Variants in GFRA1 observed in about 807,000 individuals in gnomAD.
GFRA1 encodes the protein GDNF family receptor alpha 1.
GFRA1 carries 16 observed loss-of-function variants against 51.6 expected under a neutral mutation model. The observed-to-expected ratio is 0.31, with a 90% confidence interval of 0.21 to 0.47. The LOEUF (loss-of-function observed/expected upper bound fraction) is 0.47, where lower values mean the gene tolerates loss of function less well. Among genes scored for constraint, GFRA1 ranks in the 20% least tolerant of loss-of-function variants. GFRA1 has a pLI of 1.00. For missense variants in GFRA1, 530 were observed against 594.3 expected (o/e 0.89, Z 1.13); for synonymous variants, 270 against 241.3 (o/e 1.12, Z -1.10).
At chr10:116,169,564 C>T (rs1047006148) in intron 5 of GFRA1, among the ~76,000 whole-genome samples, 6 of 152,200 alleles carry the variant, frequency 3.9e-5, no homozygotes, top group African/African-American at 9.7e-5. Flanking sequence ...AGTGTCCAAA[C>T]ATCAAGAGGA....
At position 116,241,436 on chromosome 10, in the gene GFRA1, G is replaced by T. The variant is rs145541812; in HGVS notation, c.418+28067C>A. On this transcript the variant is annotated intron_variant, in intron 4 of 10. Transcript: ENST00000355422. ...CGTTCATCCTGACATAAAAATGCGT[G>T]GTCTCAGAAGCCTCTGAGCTGACTG... 2.7e-3 allele frequency among the ~76,000 whole-genome samples: 418 copies of T among 152,276 alleles called. 8 individuals carry two copies. Among genetic ancestry groups the T allele is most frequent in the Non-Finnish European group, 5.3e-4 (36 of 68,024 alleles).
At chr10:116,102,691 G>A (rs2133935392) in intron 6 of GFRA1, among the ~76,000 whole-genome samples, 1 of 152,258 alleles carries the variant, frequency 6.6e-6, no homozygotes, top group East Asian at 1.9e-4. Context: ...GATCTCATGA[G>A]ACTTATTCAC....
At chr10:116,215,242 C>T (rs977421021) in intron 4 of GFRA1, among the ~76,000 whole-genome samples, 16 of 152,162 alleles carry the variant, frequency 1.1e-4, no homozygotes, top group African/African-American at 3.6e-4. Flanking sequence ...GACAGACAAA[C>T]GGGAAATAAA....
intron 5 of GFRA1, among the ~76,000 whole-genome samples, chr10:116,126,339 T>C (rs1361513034): frequency 6.6e-6 from 1 of 152,228 alleles, no homozygotes; most frequent in African/African-American, 2.4e-5. Context: ...TGTGCACTCA[T>C]ACCACCAGGG....
chr10:116,125,168 G>T (rs778895222), intron 6 of GFRA1, 53 bp downstream of exon 6: 142 of 1,491,442 alleles, frequency 9.5e-5, no homozygotes, highest in Non-Finnish European at 1.3e-4. Flanking sequence ...CGAAGCAGCC[G>T]CCAAGACTTT....
intron 5 of GFRA1, among the ~76,000 whole-genome samples, chr10:116,156,147 C>T (rs765134092): frequency 1.1e-4 from 16 of 152,310 alleles, no homozygotes; most frequent in Non-Finnish European, 2.1e-4. Context: ...AGAGCCATCA[C>T]TTTCTGAACT....
In GFRA1 at chr10:116,235,787, C is replaced by T. The variant is rs183752610; in HGVS notation, c.419-24142G>A. Among the ~76,000 whole-genome samples the T allele has an allele frequency of 8.1e-4, 123 of 152,208 alleles. 1 individual carries two copies. Among genetic ancestry groups the T allele is most frequent in the Non-Finnish European group, 1.4e-3 (96 of 68,014 alleles). On this transcript the variant is annotated intron_variant, in intron 4 of 10. Coordinates refer to ENST00000355422, the MANE Select transcript of GFRA1 (RefSeq NM_005264.8). ...GCCGTCAAGATTGGATAAGAGAGAG[C>T]TTGACTTATCTCTCATTTTCTGAGT... is the stretch of plus-strand genomic sequence containing the variant.
intron 6 of GFRA1, among the ~76,000 whole-genome samples, chr10:116,101,973 T>C (rs2133932053): frequency 6.6e-6 from 1 of 152,366 alleles, no homozygotes; most frequent in African/African-American, 2.4e-5. Context: ...ATAGCATTAT[T>C]ATTCTTACCC....
At chr10:116,169,880 TA>T (rs1158755716) in intron 5 of GFRA1, among the ~76,000 whole-genome samples, 1 of 152,070 alleles carries the variant, frequency 6.6e-6, no homozygotes, top group Non-Finnish European at 1.5e-5. Context: ...CAGCACATAC[TA>T]AAAGAGCACT....
rs1212527411 is a variant in GFRA1 at position 116,089,827 on chromosome 10, GGGCAGTGGTGGTAGT to G, written c.1096_1110del (p.Thr366_Ala370del). ...CCCAGGGGCTTGTTCTTAACCCGGA[GGGCAGTGGTGGTAGT>G]GGCAGTGGTGGTCTGTACTGGGAAG... On this transcript the variant is annotated inframe_deletion, in exon 9 of 11. Coordinates refer to ENST00000355422, the MANE Select transcript of GFRA1 (RefSeq NM_005264.8). 1.2e-6 allele frequency: 2 copies of G among 1,613,960 alleles called. No homozygotes were observed. Among genetic ancestry groups the G allele is most frequent in the Non-Finnish European group, 1.7e-6 (2 of 1,179,950 alleles).
intron 5 of GFRA1, among the ~76,000 whole-genome samples, chr10:116,209,488 C>A (rs187827660): frequency 6.6e-6 from 1 of 152,190 alleles, no homozygotes; most frequent in East Asian, 2.0e-4. Context: ...CAAGTCAAAG[C>A]AAGCAGGGCC....
chr10:116,255,946 A>G (rs1379410339), intron 4 of GFRA1, among the ~76,000 whole-genome samples: 1 of 152,138 alleles, frequency 6.6e-6, no homozygotes, highest in Admixed American at 6.5e-5. Context: ...GTGCACTCAA[A>G]TCATCTACTA....
chr10:116,085,081 C>T (rs1956036149), intron 9 of GFRA1, among the ~76,000 whole-genome samples: 1 of 152,182 alleles, frequency 6.6e-6, no homozygotes, highest in Admixed American at 6.5e-5. Flanking sequence ...TTGGACATTT[C>T]TGTAACATTT....
chr10:116,272,040 CG>C lies in GFRA1; in HGVS notation c.-12del. 6.4e-7 allele frequency: 1 copy of C among 1,552,950 alleles called. No homozygotes were observed. The highest frequency in any genetic ancestry group is 1.9e-5 in the Admixed American group (1 of 51,798). Reference sequence around the variant, plus strand: ...GGTCGCCAGGAACATGGTGCCGGCGCGGGGCTGGTCCCCGCCCCCCCAAAAA... The same window carrying C: ...GGTCGCCAGGAACATGGTGCCGGCGCGGGCTGGTCCCCGCCCCCCCAAAAA... On this transcript the variant is annotated 5_prime_UTR_variant, in exon 2 of 11. Coordinates refer to ENST00000355422, the MANE Select transcript of GFRA1 (RefSeq NM_005264.8). The surrounding 1 kb of genome is among the most constrained non-coding windows in gnomAD (Gnocchi z 4.4).
intron 4 of GFRA1, among the ~76,000 whole-genome samples, chr10:116,223,413 T>C (rs1966064284): frequency 6.6e-6 from 1 of 152,238 alleles, no homozygotes; most frequent in Non-Finnish European, 1.5e-5. Context: ...ATTTCATCAG[T>C]CTTTCAGAGC....
chr10:116,215,513 T>C (rs1965500661), intron 4 of GFRA1, among the ~76,000 whole-genome samples: 1 of 152,208 alleles, frequency 6.6e-6, no homozygotes, highest in African/African-American at 2.4e-5. Context: ...AGCTTGAATT[T>C]CCTTGTTGAA....
intron 4 of GFRA1, among the ~76,000 whole-genome samples, chr10:116,228,034 C>A (rs7894329): frequency 0.4 from 61,266 of 152,108 alleles, 13,349 homozygotes; most frequent in East Asian, 0.55. Context: ...GCATCTTCAA[C>A]TTATAGCAGT....
intron 6 of GFRA1, among the ~76,000 whole-genome samples, chr10:116,114,934 G>A (rs977327834): frequency 5.9e-5 from 9 of 152,110 alleles, no homozygotes; most frequent in African/African-American, 2.2e-4. Context: ...TTTATGGATG[G>A]GAAACTGAGG....
chr10:116,229,199 C>G (rs1167296301), intron 4 of GFRA1, among the ~76,000 whole-genome samples: 1 of 151,884 alleles, frequency 6.6e-6, no homozygotes, highest in African/African-American at 2.4e-5. Context: ...TAATTTGTTG[C>G]AGAAGCAGTA....
Sources: gnomAD v4.1 joint callset for allele counts (sites outside exome capture counted in the v4.1 genomes callset) on GRCh38, gnomAD v4.1.1 for gene constraint, Gnocchi (gnomAD v3.1) non-coding constraint, MANE v1.5 for transcripts, NCBI Gene and HGNC (gene_info 2026-07-23, HGNC 2026-07-21) for gene names.